The following SPECC1 variants were observed in gnomAD, a reference collection of about 807,000 sequenced individuals.
SPECC1 encodes the protein sperm antigen with calponin homology and coiled-coil domains 1.
Under a neutral mutation model 104.1 loss-of-function variants are expected in SPECC1, and 62 were observed. The observed-to-expected ratio is 0.60, with a 90% confidence interval of 0.49 to 0.74. SPECC1 has a LOEUF of 0.74. Ranked by LOEUF, SPECC1 falls within the 30% of genes least tolerant of loss-of-function variation. The pLI is 0.00. For synonymous variants in SPECC1, 513 were observed against 501.6 expected (o/e 1.02, Z -0.30); for missense variants, 1,306 against 1,310.5 (o/e 1.00, Z 0.05).
chr17:20,300,323 C>CA (rs2041526171), intron 13 of SPECC1, among the ~76,000 whole-genome samples: 1 of 152,182 alleles, frequency 6.6e-6, no homozygotes, highest in African/African-American at 2.4e-5. Flanking sequence ...TCACAGGTGT[C>CA]ATCTATGCAT....
chr17:20,176,691 C>G lies in SPECC1; in HGVS notation c.284-27642C>G, dbSNP rs558917057. ...ATTCCTCAGCTTGTGGCCCCTTCTT[C>G]CCTCTTCAGAGTATATTGCTTCAAC... On this transcript the variant is annotated intron_variant, in intron 3 of 14. Transcript: ENST00000395527. 1.1e-4 allele frequency among the ~76,000 whole-genome samples: 16 copies of G among 152,276 alleles called. 1 individual carries two copies. In the South Asian group the frequency reaches 3.3e-3, roughly 32 times the overall value.
intron 12 of SPECC1, among the ~76,000 whole-genome samples, chr17:20,292,441 C>T (rs1251002685): frequency 6.6e-6 from 1 of 152,068 alleles, no homozygotes; most frequent in Non-Finnish European, 1.5e-5. Flanking sequence ...AGCAATTCTC[C>T]TGCCTCAGCC....
In SPECC1 at chr17:20,095,514, G is replaced by A. The variant is rs183198493; in HGVS notation, c.-21-1117G>A. On this transcript the variant is annotated intron_variant, in intron 1 of 14. Transcript: ENST00000395527. The stretch of plus-strand genomic sequence containing the variant: ...CAATAGGGTCGGGAACTAGATGGTC[G>A]GGAACTAGAGAGACATTGTCAGGAG... 3.3e-3 allele frequency among the ~76,000 whole-genome samples: 507 copies of A among 152,264 alleles called. 3 individuals carry two copies. Among genetic ancestry groups the A allele is most frequent in the African/African-American group, 0.012 (478 of 41,552 alleles).
intron 3 of SPECC1, among the ~76,000 whole-genome samples, chr17:20,133,300 T>G (rs1329206770): frequency 6.6e-6 from 1 of 152,112 alleles, no homozygotes; most frequent in East Asian, 1.9e-4. Flanking sequence ...GTCTTACCCA[T>G]CTCCTACAGT....
At chr17:20,015,971 G>A (rs2044108581) in intron 1 of SPECC1, among the ~76,000 whole-genome samples, 1 of 150,248 alleles carries the variant, frequency 6.7e-6, no homozygotes, top group Non-Finnish European at 1.5e-5. Context: ...CAGCACTTTG[G>A]GAGGCCGAGG....
chr17:20,215,723 C>T (rs1325989329), intron 4 of SPECC1, among the ~76,000 whole-genome samples: 1 of 152,224 alleles, frequency 6.6e-6, no homozygotes, highest in African/African-American at 2.4e-5. Flanking sequence ...TTTTGTCTCA[C>T]AGAATGCTTT....
chr17:20,292,345 G>T (rs547521152), intron 12 of SPECC1, among the ~76,000 whole-genome samples: 8 of 150,606 alleles, frequency 5.3e-5, no homozygotes, highest in Non-Finnish European at 1.0e-4. Flanking sequence ...TTTTTTTTTG[G>T]GGGGGGGACG....
intron 4 of SPECC1, among the ~76,000 whole-genome samples, chr17:20,220,414 TTATTC>T (rs1317098072): frequency 6.6e-6 from 1 of 152,168 alleles, no homozygotes; most frequent in African/African-American, 2.4e-5. Flanking sequence ...TATTCCTACT[TTATTC>T]TACTCACAGC....
Position 20,205,330 on chromosome 17 carries a change from T to C in SPECC1, c.1281T>C (p.His427=). The C allele has an allele frequency of 6.2e-7, 1 of 1,614,182 alleles. No individual in the cohort carries two copies. The highest frequency in any genetic ancestry group is 8.5e-7 in the Non-Finnish European group (1 of 1,180,038). ...DEKTILETSF[H]QHRERAEQLS... ...AGACGATTTTAGAGACATCCTTTCA[T>C]CAGCATCGAGAGAGGGCAGAGCAGC... Residue 427 remains histidine, a synonymous_variant, in exon 4 of 15, where the codon CAT becomes CAC. Coordinates refer to ENST00000395527, the MANE Select transcript of SPECC1 (RefSeq NM_001243439.2).
At chr17:20,174,949 C>CA (rs532021216) in intron 3 of SPECC1, among the ~76,000 whole-genome samples, 183 of 151,932 alleles carry the variant, frequency 1.2e-3, no homozygotes, top group East Asian at 3.9e-3. Context: ...ATGTTAGTTT[C>CA]AAAAAAAATC....
At chr17:20,028,594 C>T (rs2044690316) in intron 1 of SPECC1, among the ~76,000 whole-genome samples, 2 of 152,144 alleles carry the variant, frequency 1.3e-5, no homozygotes, top group African/African-American at 4.8e-5. Flanking sequence ...GCCAGTACCA[C>T]ACAGTCTTGA....
intron 10 of SPECC1, among the ~76,000 whole-genome samples, chr17:20,255,614 G>A (rs1480620972): frequency 1.3e-5 from 2 of 152,194 alleles, no homozygotes; most frequent in African/African-American, 4.8e-5. Context: ...CACACAGGCA[G>A]GAGTGCAGTG....
At chr17:20,093,733 G>GTT (rs10578540) in intron 1 of SPECC1, among the ~76,000 whole-genome samples, 2 of 129,754 alleles carry the variant, frequency 1.5e-5, no homozygotes, top group African/African-American at 2.9e-5. Flanking sequence ...TTTGTTTTTT[G>GTT]TTTTTTTTTT....
chr17:20,190,342 A>G (rs1171469480), intron 3 of SPECC1, among the ~76,000 whole-genome samples: 1 of 152,154 alleles, frequency 6.6e-6, no homozygotes, highest in African/African-American at 2.4e-5. Context: ...TAGTATATAC[A>G]GGGGTTAAAA....
chr17:20,210,778 A>G (rs2037090797), intron 4 of SPECC1, among the ~76,000 whole-genome samples: 1 of 152,140 alleles, frequency 6.6e-6, no homozygotes, highest in South Asian at 2.1e-4. Flanking sequence ...GGCTTCGCCC[A>G]GTGCCCAGCT....
chr17:20,192,302 C>A (rs2526492), intron 3 of SPECC1, among the ~76,000 whole-genome samples: 115,670 of 151,916 alleles, frequency 0.76, 45,266 homozygotes, highest in East Asian at 0.99. Flanking sequence ...GAGTTTTGAG[C>A]ATTCTTTGTA....
intron 3 of SPECC1, among the ~76,000 whole-genome samples, chr17:20,177,753 A>C (rs1291063552): frequency 6.6e-6 from 1 of 152,152 alleles, no homozygotes. Context: ...TCTGTCGCCC[A>C]GGCTGGAGTG....
chr17:20,123,588 A>T (rs2049143368), intron 3 of SPECC1, among the ~76,000 whole-genome samples: 1 of 152,194 alleles, frequency 6.6e-6, no homozygotes. Flanking sequence ...ATGGAAGGTA[A>T]GTATTCTTAT....
chr17:20,172,042 T>G (rs1364159263), intron 3 of SPECC1, among the ~76,000 whole-genome samples: 1 of 152,218 alleles, frequency 6.6e-6, no homozygotes, highest in Non-Finnish European at 1.5e-5. Context: ...GCTCTCTTCC[T>G]TTTCCCGCTG....
Sources: gnomAD v4.1 joint callset for allele counts (sites outside exome capture counted in the v4.1 genomes callset) on GRCh38, gnomAD v4.1.1 for gene constraint, MANE v1.5 for transcripts, NCBI Gene and HGNC (gene_info 2026-07-23, HGNC 2026-07-21) for gene names.